Variants in HHAT observed in about 807,000 individuals in gnomAD.
HHAT encodes the protein protein-cysteine N-palmitoyltransferase HHAT.
HHAT carries 47 observed loss-of-function variants against 70.8 expected under a neutral mutation model. That is an observed-to-expected ratio of 0.66 (90% CI 0.53 to 0.85). The LOEUF (loss-of-function observed/expected upper bound fraction) is 0.85, where lower values mean the gene tolerates loss of function less well. Among genes scored for constraint, HHAT ranks in the 40% least tolerant of loss-of-function variants. The pLI is 0.00. For missense variants in HHAT, 609 were observed against 604.8 expected, an observed-to-expected ratio of 1.01 and a Z score of -0.07; for synonymous variants, 228 against 247.6, an observed-to-expected ratio of 0.92 and a Z score of 0.74.
At chr1:210,449,649 G>T (rs1399568164) in intron 7 of HHAT, among the ~76,000 whole-genome samples, 1 of 152,208 alleles carries the variant, frequency 6.6e-6, no homozygotes, top group African/African-American at 2.4e-5. Context: ...TTGGGAGAGA[G>T]AAGCTGAGTG....
intron 6 of HHAT, among the ~76,000 whole-genome samples, chr1:210,417,827 G>A (rs561881099): frequency 2.6e-5 from 4 of 152,186 alleles, no homozygotes; most frequent in Non-Finnish European, 4.4e-5. Context: ...TTCCCAGTGG[G>A]GAAAATACAC....
At chr1:210,338,767 T>A (rs2085740235) in intron 1 of HHAT, among the ~76,000 whole-genome samples, 1 of 152,208 alleles carries the variant, frequency 6.6e-6, no homozygotes, top group African/African-American at 2.4e-5. Flanking sequence ...CACACTATGC[T>A]GTCTCCATGC....
intron 3 of HHAT, among the ~76,000 whole-genome samples, chr1:210,381,215 A>G (rs1480893373): frequency 2.0e-5 from 3 of 152,068 alleles, no homozygotes; most frequent in African/African-American, 4.8e-5. Context: ...AGCAGCATAT[A>G]CTAGATGCTT....
intron 9 of HHAT, among the ~76,000 whole-genome samples, chr1:210,567,685 G>A (rs973681033): frequency 2.0e-5 from 3 of 152,070 alleles, no homozygotes; most frequent in Admixed American, 6.5e-5. Context: ...GAGGTGAGCT[G>A]GGCATAGATT....
chr1:210,508,035 T>TA (rs34352893), intron 8 of HHAT, among the ~76,000 whole-genome samples: 10,896 of 151,334 alleles, frequency 0.072, 519 homozygotes, highest in Middle Eastern at 0.11. Flanking sequence ...CCATCTCTAC[T>TA]AAAAATACAA....
intron 9 of HHAT, among the ~76,000 whole-genome samples, chr1:210,520,018 G>GT (rs371811495): frequency 0.081 from 5,319 of 65,450 alleles, 311 homozygotes; most frequent in African/African-American, 0.18. Context: ...AAAACCCTTT[G>GT]TTTTTTTGTT....
At chr1:210,507,416 A>G (rs1487951439) in intron 8 of HHAT, among the ~76,000 whole-genome samples, 2 of 134,324 alleles carry the variant, frequency 1.5e-5, no homozygotes, top group Admixed American at 1.7e-4. Flanking sequence ...GCTGGAGTGC[A>G]GTGGTGCAAT....
intron 9 of HHAT, among the ~76,000 whole-genome samples, chr1:210,545,274 C>T (rs2095473242): frequency 6.6e-6 from 1 of 152,146 alleles, no homozygotes; most frequent in African/African-American, 2.4e-5. Flanking sequence ...TCTTAGCATT[C>T]AGCCTAATGA....
intron 9 of HHAT, among the ~76,000 whole-genome samples, chr1:210,564,829 G>A (rs1654269309): frequency 6.7e-6 from 1 of 149,878 alleles, no homozygotes; most frequent in African/African-American, 2.4e-5. Context: ...GAGGGGAGGG[G>A]CAGAAGTCAG....
At chr1:210,447,504 C>G (rs762251293) in intron 7 of HHAT, among the ~76,000 whole-genome samples, 1 of 152,166 alleles carries the variant, frequency 6.6e-6, no homozygotes, top group Non-Finnish European at 1.5e-5. Flanking sequence ...TTTTGCCGAT[C>G]AGAAAGGGAG....
chr1:210,658,395 T>C (rs1676917378), intron 11 of HHAT, among the ~76,000 whole-genome samples: 2 of 152,240 alleles, frequency 1.3e-5, no homozygotes, highest in Non-Finnish European at 1.5e-5. Context: ...CAGAGTCTTA[T>C]CATTCCCAGG....
intron 10 of HHAT, among the ~76,000 whole-genome samples, chr1:210,623,205 G>T (rs1479507292): frequency 6.6e-6 from 1 of 152,048 alleles, no homozygotes; most frequent in Non-Finnish European, 1.5e-5. Flanking sequence ...CCGAGTAGCT[G>T]GGACTACAGT....
intron 8 of HHAT, 107 bp downstream of exon 8, chr1:210,464,762 C>G (rs11119505): frequency 0.078 from 88,121 of 1,128,298 alleles, 3,967 homozygotes; most frequent in South Asian, 0.12. Context: ...GTCTCTCACT[C>G]AAGCTGCATT....
intron 7 of HHAT, among the ~76,000 whole-genome samples, chr1:210,448,325 G>A (rs1049503403): frequency 6.6e-6 from 1 of 152,030 alleles, no homozygotes; most frequent in Non-Finnish European, 1.5e-5. Context: ...CAGGTGATCT[G>A]CACACCTCAG....
chr1:210,497,078 A>G (rs7514691), intron 8 of HHAT, among the ~76,000 whole-genome samples: 79,741 of 152,000 alleles, frequency 0.52, 21,388 homozygotes, highest in African/African-American at 0.64. Context: ...TATTCTTCTT[A>G]TGAGTGTGGT....
At chr1:210,424,372 C>A (rs1337331394) in intron 7 of HHAT, among the ~76,000 whole-genome samples, 1 of 151,924 alleles carries the variant, frequency 6.6e-6, no homozygotes, top group African/African-American at 2.4e-5. Context: ...TTGTACCCTG[C>A]AACTTTACTG....
At chr1:210,606,672 C>G (rs968557840) in intron 10 of HHAT, among the ~76,000 whole-genome samples, 1 of 151,906 alleles carries the variant, frequency 6.6e-6, no homozygotes, top group Non-Finnish European at 1.5e-5. Context: ...TCTTTTTCTC[C>G]CTTGATTTGG....
At chr1:210,588,544 C>G (rs976969463) in intron 10 of HHAT, 4 of 154,502 alleles carry the variant, frequency 2.6e-5, no homozygotes, top group African/African-American at 9.7e-5. Context: ...ACATAGAATT[C>G]CCTTACGTGG....
At chr1:210,665,262 A>G (rs1327367596) in intron 11 of HHAT, among the ~76,000 whole-genome samples, 1 of 152,244 alleles carries the variant, frequency 6.6e-6, no homozygotes, top group Non-Finnish European at 1.5e-5. Context: ...TTCCAACCTA[A>G]TATATCCTTC....
Sources: allele counts gnomAD v4.1 joint callset (sites outside exome capture counted in the v4.1 genomes callset), GRCh38; gene constraint gnomAD v4.1.1; transcripts MANE v1.5; gene names NCBI Gene and HGNC (gene_info 2026-07-23, HGNC 2026-07-21).